The following SRPRA variants were observed in gnomAD, a reference collection of about 807,000 sequenced individuals.
The protein encoded by SRPRA is signal recognition particle receptor subunit alpha.
Under a neutral mutation model 61.1 loss-of-function variants are expected in SRPRA, and 30 were observed. The observed-to-expected ratio is 0.49, with a 90% CI of 0.37 to 0.67. The LOEUF (loss-of-function observed/expected upper bound fraction) is 0.67. SRPRA is among the 30% of genes least tolerant of loss of function. The pLI is 0.00. For missense variants in SRPRA, 759 were observed against 828.4 expected, an observed-to-expected ratio of 0.92 and a Z score of 1.03; for synonymous variants, 324 against 299.7, an observed-to-expected ratio of 1.08 and a Z score of -0.84.
chr11:126,256,733 A>G, the SRPRA span: 1 of 1,614,224 alleles, frequency 6.2e-7, no homozygotes, highest in South Asian at 1.1e-5. The surrounding 1 kb of genome is among the most constrained non-coding windows in gnomAD (Gnocchi z 6.6). Context: ...GAGTTCAAAA[A>G]GCTTCGAGAA....
chr11:126,246,582 G>C, the SRPRA span, among the ~76,000 whole-genome samples: 1 of 152,154 alleles, frequency 6.6e-6, no homozygotes, highest in East Asian at 1.9e-4. Flanking sequence ...CCTGGGGCGG[G>C]AGGCGGTGGG....
chr11:126,264,740 G>A lies in SRPRA; in HGVS notation c.1526-201C>T. 3 of 766,478 alleles carry A rather than the reference G, an allele frequency of 3.9e-6. No individual in the cohort carries two copies. The highest frequency in any genetic ancestry group is 6.1e-6 in the Non-Finnish European group (3 of 489,564). 47.5% of individuals were successfully genotyped at this position (766,478 alleles called of 1,614,324 possible). A position where few individuals can be genotyped will look rare whatever the true frequency, so the allele number is the denominator to read the frequency against. ...AGGAAAAGGAGGACAACAGGATGAA[G>A]GTGACCAAATTCAGGTTTCTCTGGT... is the stretch of plus-strand genomic sequence containing the variant. On this transcript the variant is annotated intron_variant, in intron 11 of 13. Coordinates refer to ENST00000332118, the MANE Select transcript of SRPRA (RefSeq NM_003139.4). The surrounding 1 kb of genome is among the most constrained non-coding windows in gnomAD (Gnocchi z 5.0).
chr11:126,258,881 A>C (rs74823274), downstream of SRPRA, among the ~76,000 whole-genome samples: 681 of 152,354 alleles, frequency 4.5e-3, 2 homozygotes, highest in African/African-American at 0.015. Flanking sequence ...CATAACAAAG[A>C]AGCAGTAAGG....
the SRPRA span, among the ~76,000 whole-genome samples, chr11:126,239,773 CA>C: frequency 6.6e-6 from 1 of 152,158 alleles, no homozygotes; most frequent in East Asian, 1.9e-4. Flanking sequence ...CTTGGCCCCC[CA>C]AAGTGCTGGG....
At chr11:126,254,006 A>G in the SRPRA span, among the ~76,000 whole-genome samples, 2 of 152,228 alleles carry the variant, frequency 1.3e-5, no homozygotes, top group African/African-American at 4.8e-5. Context: ...GCAGTTGTCC[A>G]TAGCTCTCAT....
At chr11:126,259,488 C>T (rs899879899), downstream of SRPRA, among the ~76,000 whole-genome samples, 4 of 148,350 alleles carry the variant, frequency 2.7e-5, no homozygotes, top group East Asian at 6.1e-4. Flanking sequence ...TGCAGTGGCA[C>T]AATCTCGGCT....
At position 126,268,067 on chromosome 11, in the gene SRPRA, G is replaced by A. The variant is rs139160584; in HGVS notation, c.137C>T (p.Ser46Phe). 13 of 1,614,086 alleles carry A rather than the reference G, an allele frequency of 8.1e-6. No individual in the cohort carries two copies. The highest frequency in any genetic ancestry group is 1.1e-5 in the Non-Finnish European group (13 of 1,180,018). ...GAGTGTGAGTGCCTCATGGGTGAAG[G>A]AGTTGTTACCTCCCCGTTCCTGGAG... The part of the protein sequence containing the change: ...VLLQERGGNN[S>F]FTHEALTLKY... The change falls in exon 2 of 14, where the codon TCC becomes TTC. Residue 46 changes from serine (S) to phenylalanine (F), a missense_variant. Physicochemically the swap from Ser to Phe is radical, Grantham distance 155. Coordinates refer to ENST00000332118, the MANE Select transcript of SRPRA (RefSeq NM_003139.4).
the SRPRA span, among the ~76,000 whole-genome samples, chr11:126,249,860 C>T: frequency 2.0e-5 from 3 of 152,150 alleles, no homozygotes; most frequent in Middle Eastern, 3.4e-3. Flanking sequence ...CCTGGCACCT[C>T]ATGAGAGGGT....
Position 126,267,892 on chromosome 11 carries a change from C to A in SRPRA, c.201+111G>T. The A allele has an allele frequency of 2.1e-6, 3 of 1,415,496 alleles. No individual in the cohort carries two copies. In the South Asian group the frequency reaches 3.7e-5, roughly 17 times the overall value. 87.7% of individuals were successfully genotyped at this position (1,415,496 alleles called of 1,614,324 possible). ...CTGCTGTTTTCCCCCATCTACCTTT[C>A]TAGTTTTTTCAGTTACGTCATCATA... On this transcript the variant is annotated intron_variant, in intron 2 of 13. Transcript: ENST00000332118. The surrounding 1 kb of genome is among the most constrained non-coding windows in gnomAD (Gnocchi z 4.2).
the SRPRA span, among the ~76,000 whole-genome samples, chr11:126,246,739 T>C: frequency 6.6e-6 from 1 of 152,074 alleles, no homozygotes; most frequent in Non-Finnish European, 1.5e-5. Context: ...CCATGCCAAT[T>C]TTTTGTTTCT....
downstream of SRPRA, chr11:126,261,445 C>G: frequency 6.2e-7 from 1 of 1,613,988 alleles, no homozygotes; most frequent in South Asian, 1.1e-5. Context: ...GAGAGAAGGT[C>G]AGCTAAATGG....
At chr11:126,241,511 A>G in the SRPRA span, among the ~76,000 whole-genome samples, 1 of 152,174 alleles carries the variant, frequency 6.6e-6, no homozygotes, top group South Asian at 2.1e-4. Context: ...TGAGTTGGAT[A>G]AAAGGACTCC....
the SRPRA span, chr11:126,250,434 A>T: frequency 2.0e-6 from 2 of 1,002,350 alleles, no homozygotes; most frequent in Non-Finnish European, 1.5e-6. The surrounding 1 kb of genome is among the most constrained non-coding windows in gnomAD (Gnocchi z 5.1). Context: ...AAAATTTGTT[A>T]CTGCTGTAAC....
chr11:126,261,945 G>A (rs762084466), downstream of SRPRA, among the ~76,000 whole-genome samples: 1 of 152,060 alleles, frequency 6.6e-6, no homozygotes, highest in Non-Finnish European at 1.5e-5. Flanking sequence ...TTTGAGCCTG[G>A]GTGACAAAGA....
chr11:126,248,358 CTTTTTTT>C, the SRPRA span, among the ~76,000 whole-genome samples: 9 of 36,962 alleles, frequency 2.4e-4, no homozygotes, highest in African/African-American at 6.1e-4. Flanking sequence ...TAGTAGTTGA[CTTTTTTT>C]TTTTTTTTTT....
chr11:126,265,443 G>T lies in SRPRA; in HGVS notation c.1139-3C>A. On this transcript the variant is annotated splice_polypyrimidine_tract_variant and splice_region_variant and intron_variant, in intron 9 of 13. Transcript: ENST00000332118. This position sits in a 1 kb window ranked among gnomAD's most constrained non-coding sequence, Gnocchi z 6.3. ...TTGCTTTACTGTGGAAGTCACCGCT[G>T]AAAGGGGAGGTGGAGGAGGTTGCAG... is the stretch of plus-strand genomic sequence containing the variant. 1 of 1,609,260 alleles carries T rather than the reference G, an allele frequency of 6.2e-7. No individual in the cohort carries two copies. The highest frequency in any genetic ancestry group is 8.5e-7 in the Non-Finnish European group (1 of 1,177,498).
In SRPRA at chr11:126,266,458, AC is replaced by A. The variant is rs767600708; in HGVS notation, c.840+17del. On this transcript the variant is annotated intron_variant, in intron 6 of 13. Transcript: ENST00000332118. The stretch of plus-strand genomic sequence containing the variant: ...CAATTTGTTGTTAAAGATCACTTTG[AC>A]CCCTGTTACCTCTTACCAGGTTGAT... The A allele has an allele frequency of 6.2e-7, 1 of 1,609,956 alleles. No homozygotes were observed. Among genetic ancestry groups the A allele is most frequent in the East Asian group, 2.2e-5 (1 of 44,808 alleles).
the SRPRA span, chr11:126,254,251 TTAAAC>T: frequency 6.3e-7 from 1 of 1,588,204 alleles, no homozygotes; most frequent in Non-Finnish European, 8.6e-7. Flanking sequence ...ATTGTGACCT[TTAAAC>T]AGGTGCTCAG....
In SRPRA at chr11:126,267,232, C is replaced by A. The variant is rs144530471; in HGVS notation, c.469G>T (p.Gly157Trp). The change falls in exon 4 of 14, where the codon GGG becomes TGG. Residue 157 changes from glycine to tryptophan, a missense_variant. Physicochemically the swap from Gly to Trp is radical, Grantham distance 184. Coordinates refer to ENST00000332118, the MANE Select transcript of SRPRA (RefSeq NM_003139.4). This position sits in a 1 kb window ranked among gnomAD's most constrained non-coding sequence, Gnocchi z 4.2. ...TTTGCTTTTTCCTTGGGCTTTTCCCCCCGTGTCTCAATCATGGACCTCACA... is the reference window on the plus strand; with the variant it reads ...TTTGCTTTTTCCTTGGGCTTTTCCCACCGTGTCTCAATCATGGACCTCACA... ...KPVRSMIETR[G>W]EKPKEKAKNS... 6.2e-7 allele frequency: 1 copy of A among 1,614,132 alleles called. No homozygotes were observed.
Sources: allele counts gnomAD v4.1 joint callset (sites outside exome capture counted in the v4.1 genomes callset), GRCh38; gene constraint gnomAD v4.1.1; non-coding constraint Gnocchi (gnomAD v3.1); transcripts MANE v1.5; gene names NCBI Gene and HGNC (gene_info 2026-07-23, HGNC 2026-07-21).